The following SNRNP70 variants were observed in gnomAD, a reference collection of about 807,000 sequenced individuals.
The protein encoded by SNRNP70 is U1 small nuclear ribonucleoprotein 70 kDa.
SNRNP70 carries 8 observed loss-of-function variants against 50.5 expected under a neutral mutation model. The observed-to-expected ratio is 0.16, with a 90% CI of 0.09 to 0.29. SNRNP70 has a LOEUF of 0.29. Ranked by LOEUF, SNRNP70 falls within the 10% of genes least tolerant of loss-of-function variation. SNRNP70 has a pLI of 1.00. For missense variants in SNRNP70, 529 were observed against 663.5 expected, an observed-to-expected ratio of 0.80 and a Z score of 2.23; for synonymous variants, 320 against 252.9, an observed-to-expected ratio of 1.27 and a Z score of -2.52.
At chr19:49,101,679 T>C (rs2122373135) in intron 7 of SNRNP70, 1 of 569,556 alleles carries the variant, frequency 1.8e-6, no homozygotes, top group African/African-American at 1.9e-5. Flanking sequence ...AACGTGTGTG[T>C]GTGTGTGAAC....
At chr19:49,096,979 A>T (rs951299762) in intron 4 of SNRNP70, among the ~76,000 whole-genome samples, 3 of 148,208 alleles carry the variant, frequency 2.0e-5, no homozygotes, top group African/African-American at 7.5e-5. Flanking sequence ...ACAATACAAA[A>T]ATTAGCTGGA....
Position 49,107,820 on chromosome 19 carries a change from A to AGGGACCGGGACC in SNRNP70, c.699_710dup (p.Asp234_Arg237dup). The AGGGACCGGGACC allele has an allele frequency of 6.3e-7, 1 of 1,595,616 alleles. No individual in the cohort carries two copies. The highest frequency in any genetic ancestry group is 2.3e-5 in the East Asian group (1 of 44,026). On this transcript the variant is annotated inframe_insertion, in exon 10 of 10. Coordinates refer to ENST00000598441, the MANE Select transcript of SNRNP70 (RefSeq NM_003089.6). This position sits in a 1 kb window ranked among gnomAD's most constrained non-coding sequence, Gnocchi z 6.0. ...GCCCGGCCCCTCCCCGCTTCCGCACAGGGACCGGGACCGGGACCGTGAGCG... is the reference window on the plus strand; with the variant it reads ...GCCCGGCCCCTCCCCGCTTCCGCACAGGGACCGGGACCGGGACCGGGACCGGGACCGTGAGCG...
chr19:49,100,923 C>T (rs2040576401), intron 6 of SNRNP70, among the ~76,000 whole-genome samples: 1 of 152,148 alleles, frequency 6.6e-6, no homozygotes, highest in Non-Finnish European at 1.5e-5. Flanking sequence ...TTGGCCCTTC[C>T]TTGCTCAACA....
intron 4 of SNRNP70, among the ~76,000 whole-genome samples, chr19:49,097,570 G>A (rs1312406664): frequency 6.6e-6 from 1 of 152,188 alleles, no homozygotes; most frequent in Non-Finnish European, 1.5e-5. Flanking sequence ...TGCTCTCCCA[G>A]AATGTGACAG....
At chr19:49,089,900 T>C (rs2040427259) in intron 2 of SNRNP70, among the ~76,000 whole-genome samples, 1 of 151,964 alleles carries the variant, frequency 6.6e-6, no homozygotes, top group Admixed American at 6.6e-5. Context: ...CCTGACCTCA[T>C]GATCCGCCTG....
chr19:49,086,145 G>T (rs986189970), intron 1 of SNRNP70, among the ~76,000 whole-genome samples: 1 of 152,108 alleles, frequency 6.6e-6, no homozygotes, highest in African/African-American at 2.4e-5. Flanking sequence ...CCCACAGCTC[G>T]TGTCAGAGGA....
chr19:49,092,407 A>G (rs762908671), intron 4 of SNRNP70, among the ~76,000 whole-genome samples: 2 of 128,560 alleles, frequency 1.6e-5, no homozygotes, highest in African/African-American at 3.0e-5. Context: ...GTGCCTGGTC[A>G]CCCCCCTCCT....
intron 2 of SNRNP70, among the ~76,000 whole-genome samples, chr19:49,089,471 C>T (rs1000806272): frequency 7.9e-5 from 12 of 150,950 alleles, no homozygotes; most frequent in Admixed American, 5.3e-4. Flanking sequence ...ACCACAACTT[C>T]GTCTCAGAAA....
At chr19:49,100,979 G>T (rs191421245) in intron 6 of SNRNP70, among the ~76,000 whole-genome samples, 1 of 152,102 alleles carries the variant, frequency 6.6e-6, no homozygotes, top group Non-Finnish European at 1.5e-5. Context: ...CTGGCATTGG[G>T]GCGCTTGATG....
rs1465505268 is a variant in SNRNP70, at chr19:49,107,527, C to T, written c.578-98C>T. 1.7e-6 allele frequency: 2 copies of T among 1,158,348 alleles called. No individual in the cohort carries two copies. Among genetic ancestry groups the T allele is most frequent in the Non-Finnish European group, 1.3e-6 (1 of 778,714 alleles). The allele number at this position is 1,158,348 out of a possible 1,614,324, so 71.8% of individuals were successfully genotyped here. ...GGCCCTGTGAACACTAAGCCAGGGG[C>T]TGCCTTCCTGCCCTTTGCTCTTGGA... On this transcript the variant is annotated intron_variant, in intron 8 of 9. Transcript: ENST00000598441. The surrounding 1 kb of genome is among the most constrained non-coding windows in gnomAD (Gnocchi z 6.0).
At chr19:49,090,438 C>T (rs2040433630) in intron 3 of SNRNP70, 28 bp from the exon 4 acceptor site, 1 of 1,613,988 alleles carries the variant, frequency 6.2e-7, no homozygotes, top group Non-Finnish European at 8.5e-7. Flanking sequence ...TCTGCATTCA[C>T]TTCTCCACCT....
Position 49,108,134 on chromosome 19 carries a change from C to G in SNRNP70, c.1005C>G (p.Leu335=), listed in dbSNP as rs370245644. 7.8e-6 allele frequency: 12 copies of G among 1,543,512 alleles called. No homozygotes were observed. The South Asian group carries it at 1.5e-4, about 19-fold the overall frequency. ...APPDDGPPGE[L]GPDGPDGPEE... ...CTGATGATGGGCCTCCAGGGGAGCT[C>G]GGGCCTGACGGCCCTGACGGTCCAG... Residue 335 remains leucine, a synonymous_variant, in exon 10 of 10, where the codon CTC becomes CTG. Transcript: ENST00000598441.
chr19:49,102,255 C>A, intron 7 of SNRNP70: 2 of 1,102,252 alleles, frequency 1.8e-6, no homozygotes, highest in Non-Finnish European at 1.2e-6. Flanking sequence ...TCAGGAGCAG[C>A]GAGGCGCCCC....
In SNRNP70 at chr19:49,107,742, G is replaced by C. The variant is rs1224010552; in HGVS notation, c.665+30G>C. On this transcript the variant is annotated intron_variant, in intron 9 of 9. Transcript: ENST00000598441. This position sits in a 1 kb window ranked among gnomAD's most constrained non-coding sequence, Gnocchi z 6.0. ...GATTGGGCGACCGGTGTCCTGGGGT[G>C]GGGGGCGGTCACGGGGGGAGCCCAG... 2 of 1,613,260 alleles carry C rather than the reference G, an allele frequency of 1.2e-6. No individual in the cohort carries two copies. Among genetic ancestry groups the C allele is most frequent in the East Asian group, 2.2e-5 (1 of 44,850 alleles).
rs758502375 is a variant in SNRNP70, at chr19:49,090,331, G to A, written c.188G>A (p.Arg63Gln). 4 of 1,613,956 alleles carry A rather than the reference G, an allele frequency of 2.5e-6. No homozygotes were observed. The highest frequency in any genetic ancestry group is 2.2e-5 in the South Asian group (2 of 91,058). The change falls in exon 3 of 10, where the codon CGA becomes CAA. Residue 63 changes from arginine to glutamine, a missense_variant. Arg to Gln is a conservative substitution (Grantham distance 43, BLOSUM62 1). Coordinates refer to ENST00000598441, the MANE Select transcript of SNRNP70 (RefSeq NM_003089.6). ...DAPPPTRAET[R>Q]EERMERKRRE... The stretch of plus-strand genomic sequence containing the variant: ...CCTCCTCCAACTCGTGCTGAAACCC[G>A]AGAGGAGCGCATGGAGAGGAAAGTA...
intron 1 of SNRNP70, among the ~76,000 whole-genome samples, 164 bp from the exon 2 acceptor site, chr19:49,086,241 C>A (rs775994983): frequency 6.6e-5 from 10 of 152,214 alleles, no homozygotes; most frequent in Non-Finnish European, 1.3e-4. Flanking sequence ...CCCACCAAGA[C>A]GTACCCTTTT....
Position 49,085,489 on chromosome 19 carries a change from C to A in SNRNP70, c.-158C>A, listed in dbSNP as rs11539822. 2.2e-6 allele frequency: 1 copy of A among 452,060 alleles called. No homozygotes were observed. The highest frequency in any genetic ancestry group is 4.5e-6 in the Non-Finnish European group (1 of 224,344). 28.0% of individuals were successfully genotyped at this position (452,060 alleles called of 1,614,324 possible). A position where few individuals can be genotyped will look rare whatever the true frequency, so the allele number is the denominator to read the frequency against. On this transcript the variant is annotated 5_prime_UTR_variant, in exon 1 of 10. Coordinates refer to ENST00000598441, the MANE Select transcript of SNRNP70 (RefSeq NM_003089.6). ...GGCCGCGCGGGTGGCTGAGCAGCGG[C>A]CTGGTGCGCTCGCTTAGCGGGCGAC...
intron 7 of SNRNP70, chr19:49,102,065 C>A (rs763160929): frequency 2.0e-6 from 2 of 1,010,902 alleles, no homozygotes. Context: ...AGGGCTGCGG[C>A]GTGTCCAGGG....
rs1329103685 is a variant in SNRNP70, at chr19:49,104,671, C to T, written c.513C>T (p.Gly171=). The T allele has an allele frequency of 1.3e-6, 2 of 1,560,858 alleles. No individual in the cohort carries two copies. The highest frequency in any genetic ancestry group is 2.4e-5 in the South Asian group (2 of 84,566). The stretch of plus-strand genomic sequence containing the variant: ...ACGCAGATGGCAAGAAGATTGATGG[C>T]AGGAGGGTCCTTGTGGACGTGGAGA... ...YKHADGKKID[G]RRVLVDVERG... The change falls in exon 8 of 10, where the codon GGC becomes GGT. Residue 171 remains glycine, a synonymous_variant. Transcript: ENST00000598441. This position sits in a 1 kb window ranked among gnomAD's most constrained non-coding sequence, Gnocchi z 5.4.
Sources: allele counts gnomAD v4.1 joint callset (sites outside exome capture counted in the v4.1 genomes callset), GRCh38; gene constraint gnomAD v4.1.1; non-coding constraint Gnocchi (gnomAD v3.1); transcripts MANE v1.5; gene names NCBI Gene and HGNC (gene_info 2026-07-23, HGNC 2026-07-21).